Variants in MACROD2 observed in about 807,000 individuals in gnomAD.
MACROD2 encodes the protein ADP-ribose glycohydrolase MACROD2.
In MACROD2, 36 loss-of-function variants were observed where a neutral mutation model predicts 70.4. That is an observed-to-expected ratio of 0.51 (90% CI 0.39 to 0.68). The LOEUF (loss-of-function observed/expected upper bound fraction) is 0.68, where lower values mean the gene tolerates loss of function less well. Among genes scored for constraint, MACROD2 ranks in the 30% least tolerant of loss-of-function variants. The pLI is 0.00. For missense variants in MACROD2, 496 were observed against 538.4 expected, an observed-to-expected ratio of 0.92 and a Z score of 0.78; for synonymous variants, 172 against 178.8, an observed-to-expected ratio of 0.96 and a Z score of 0.30.
intron 5 of MACROD2, among the ~76,000 whole-genome samples, chr20:14,775,443 T>A (rs950956619): frequency 6.6e-6 from 1 of 151,984 alleles, no homozygotes; most frequent in African/African-American, 2.4e-5. Flanking sequence ...GAGCAGGTAT[T>A]TGACATGATG....
intron 15 of MACROD2, among the ~76,000 whole-genome samples, chr20:16,021,756 ACT>A (rs2067004604): frequency 6.6e-6 from 1 of 152,088 alleles, no homozygotes; most frequent in South Asian, 2.1e-4. Flanking sequence ...GCCCAGAATC[ACT>A]CGGCCAATAA....
At chr20:15,855,407 A>T (rs2064345687) in intron 8 of MACROD2, among the ~76,000 whole-genome samples, 1 of 152,204 alleles carries the variant, frequency 6.6e-6, no homozygotes. Context: ...GTGAAAATAC[A>T]CAGAGAGATT....
At chr20:15,562,155 G>A (rs956967535) in intron 8 of MACROD2, among the ~76,000 whole-genome samples, 3 of 151,912 alleles carry the variant, frequency 2.0e-5, no homozygotes, top group African/African-American at 7.3e-5. Context: ...TTTCTATTGG[G>A]ACTGCTGCCT....
At chr20:14,441,253 AGCCTCCTGGAGGATGAGAG>A (rs1254433115) in intron 3 of MACROD2, among the ~76,000 whole-genome samples, 4 of 152,192 alleles carry the variant, frequency 2.6e-5, no homozygotes, top group Non-Finnish European at 5.9e-5. Flanking sequence ...AGTCTAGTCC[AGCCTCCTGGAGGATGAGAG>A]GCCATGCAGA....
intron 3 of MACROD2, among the ~76,000 whole-genome samples, chr20:14,392,000 A>G (rs1410418138): frequency 6.6e-6 from 1 of 151,764 alleles, no homozygotes; most frequent in African/African-American, 2.4e-5. Context: ...AAAAAAATTA[A>G]GTTTTCTGCC....
At chr20:15,984,596 TTACTATA>T (rs1386102858) in intron 13 of MACROD2, among the ~76,000 whole-genome samples, 1 of 151,992 alleles carries the variant, frequency 6.6e-6, no homozygotes, top group Non-Finnish European at 1.5e-5. Context: ...GGACAAGAAT[TTACTATA>T]TAACACTCTT....
chr20:15,771,573 C>T (rs2051627821), intron 8 of MACROD2, among the ~76,000 whole-genome samples: 1 of 150,794 alleles, frequency 6.6e-6, no homozygotes, highest in Non-Finnish European at 1.5e-5. Context: ...AAGCAGCTTA[C>T]TTTCTGTCTG....
intron 3 of MACROD2, among the ~76,000 whole-genome samples, chr20:14,396,961 T>G (rs1268933937): frequency 1.3e-5 from 2 of 148,500 alleles, no homozygotes; most frequent in African/African-American, 4.9e-5. Flanking sequence ...TAGTTGTTAA[T>G]TTTTAATTGG....
At chr20:15,478,106 A>G (rs2047046708) in intron 7 of MACROD2, among the ~76,000 whole-genome samples, 1 of 152,190 alleles carries the variant, frequency 6.6e-6, no homozygotes, top group African/African-American at 2.4e-5. Flanking sequence ...CAGAACTGTA[A>G]GGTAATGCAT....
intron 10 of MACROD2, among the ~76,000 whole-genome samples, chr20:15,903,959 G>C (rs1335050315): frequency 1.3e-5 from 2 of 152,194 alleles, no homozygotes; most frequent in African/African-American, 4.8e-5. Context: ...TGGCATGTGA[G>C]AGAAAGAGAG....
intron 3 of MACROD2, among the ~76,000 whole-genome samples, chr20:14,256,890 C>T (rs987593004): frequency 6.6e-6 from 1 of 152,088 alleles, no homozygotes; most frequent in Non-Finnish European, 1.5e-5. Flanking sequence ...CTGATGGCTT[C>T]TAATAATTGT....
intron 8 of MACROD2, among the ~76,000 whole-genome samples, chr20:15,716,770 T>C (rs2050713829): frequency 6.6e-6 from 1 of 152,182 alleles, no homozygotes; most frequent in African/African-American, 2.4e-5. Flanking sequence ...TTGGAGGCAT[T>C]ATCCTTTATA....
At chr20:14,660,904 G>A (rs542784263) in intron 4 of MACROD2, among the ~76,000 whole-genome samples, 10 of 151,954 alleles carry the variant, frequency 6.6e-5, no homozygotes, top group African/African-American at 2.4e-4. Context: ...TAATGGCTGT[G>A]TAGTATTCCA....
chr20:15,359,840 G>T (rs1353813574), intron 6 of MACROD2, among the ~76,000 whole-genome samples: 1 of 152,056 alleles, frequency 6.6e-6, no homozygotes, highest in Non-Finnish European at 1.5e-5. Flanking sequence ...GCGTAACTAG[G>T]TTTCTTTACC....
At chr20:14,890,504 A>G (rs969139516) in intron 5 of MACROD2, among the ~76,000 whole-genome samples, 1 of 152,148 alleles carries the variant, frequency 6.6e-6, no homozygotes, top group Admixed American at 6.5e-5. Context: ...GCAGTGGCTC[A>G]TGCCTGTAAT....
chr20:15,603,919 G>A (rs769093971), intron 8 of MACROD2, among the ~76,000 whole-genome samples: 29 of 152,302 alleles, frequency 1.9e-4, no homozygotes, highest in Non-Finnish European at 3.5e-4. Context: ...TTCTGGAATT[G>A]AACTTTGGAA....
Position 15,987,058 on chromosome 20 carries a change from C to T in MACROD2, c.1061-8C>T. ...ACCCTGAGTGTCCATCTGTCTCATT[C>T]TATTTAGAACTTTCATCAAACCAAG... On this transcript the variant is annotated splice_region_variant and splice_polypyrimidine_tract_variant and intron_variant, in intron 14 of 17. Transcript: ENST00000684519. 1 of 1,603,922 alleles carries T rather than the reference C, an allele frequency of 6.2e-7. No individual in the cohort carries two copies. Among genetic ancestry groups the T allele is most frequent in the Non-Finnish European group, 8.5e-7 (1 of 1,176,024 alleles).
At chr20:15,447,004 C>T (rs2046574506) in intron 7 of MACROD2, among the ~76,000 whole-genome samples, 1 of 151,696 alleles carries the variant, frequency 6.6e-6, no homozygotes, top group Non-Finnish European at 1.5e-5. Flanking sequence ...TTAAAGATAC[C>T]TCTGCACATG....
At chr20:14,341,213 A>G (rs768008224) in intron 3 of MACROD2, among the ~76,000 whole-genome samples, 12 of 152,220 alleles carry the variant, frequency 7.9e-5, no homozygotes, top group Non-Finnish European at 1.3e-4. Flanking sequence ...TCCCCAAACT[A>G]TCTCCAACTA....
Sources: gnomAD v4.1 joint callset for allele counts (sites outside exome capture counted in the v4.1 genomes callset) on GRCh38, gnomAD v4.1.1 for gene constraint, MANE v1.5 for transcripts, NCBI Gene and HGNC (gene_info 2026-07-23, HGNC 2026-07-21) for gene names.